Variants in PRKAR1B observed in about 807,000 individuals in gnomAD.
PRKAR1B encodes the protein protein kinase cAMP-dependent type I regulatory subunit beta.
In PRKAR1B, 22 loss-of-function variants were observed where a neutral mutation model predicts 46.5. That is an observed-to-expected ratio of 0.47 (90% CI 0.34 to 0.68). The LOEUF (loss-of-function observed/expected upper bound fraction) is 0.68, where lower values mean the gene tolerates loss of function less well. PRKAR1B is among the 30% of genes least tolerant of loss of function. The pLI is 0.01. For missense variants in PRKAR1B, 445 were observed against 535.6 expected, an observed-to-expected ratio of 0.83 and a Z score of 1.67; for synonymous variants, 259 against 217.7, an observed-to-expected ratio of 1.19 and a Z score of -1.67.
At position 625,123 on chromosome 7, in the gene PRKAR1B, C is replaced by T. The variant is rs533143341; in HGVS notation, c.441-17671G>A. Reference sequence around the variant, plus strand: ...TAACAGAAAGATAGATAGGAAATCCCACAATATTTGGAGATTAAATAACAT... The same window carrying T: ...TAACAGAAAGATAGATAGGAAATCCTACAATATTTGGAGATTAAATAACAT... On this transcript the variant is annotated intron_variant, in intron 4 of 10. Coordinates refer to ENST00000537384, the MANE Select transcript of PRKAR1B (RefSeq NM_001164760.2). Among the ~76,000 whole-genome samples the T allele has an allele frequency of 3.3e-5, 5 of 152,186 alleles. No homozygotes were observed. The South Asian group carries it at 1.0e-3, about 32-fold the overall frequency.
chr7:646,829 C>A (rs137868949), intron 4 of PRKAR1B, among the ~76,000 whole-genome samples: 3 of 152,178 alleles, frequency 2.0e-5, no homozygotes, highest in African/African-American at 7.2e-5. Flanking sequence ...ATTGGCCATC[C>A]GCCCGATCAT....
At chr7:720,536 T>C (rs1583461605) in intron 1 of PRKAR1B, among the ~76,000 whole-genome samples, 1 of 152,250 alleles carries the variant, frequency 6.6e-6, no homozygotes, top group Non-Finnish European at 1.5e-5. Context: ...TATACCTTAA[T>C]GACTATCTGC....
At chr7:562,981 C>T (rs898797234) in intron 9 of PRKAR1B, among the ~76,000 whole-genome samples, 1 of 152,228 alleles carries the variant, frequency 6.6e-6, no homozygotes, top group African/African-American at 2.4e-5. Flanking sequence ...CAGGTACTGA[C>T]CAGGGTGCTG....
intron 4 of PRKAR1B, among the ~76,000 whole-genome samples, chr7:673,521 C>T (rs907816790): frequency 2.6e-5 from 4 of 151,730 alleles, no homozygotes; most frequent in East Asian, 3.9e-4. Flanking sequence ...TGGTGGCGGG[C>T]GCCTGTAGTC....
chr7:691,741 G>A, intron 2 of PRKAR1B: 2 of 1,233,796 alleles, frequency 1.6e-6, no homozygotes, highest in Non-Finnish European at 2.1e-6. Context: ...GGAATCCAGG[G>A]TGCTGAGGGG....
chr7:581,720 A>AT lies in PRKAR1B; in HGVS notation c.770-2344dup, dbSNP rs1030267668. ...ACAGGGAGATGGCACTTTTGGCCCC[A>AT]TTTTTTTTTTCAAGAGACAGGGTCT... On this transcript the variant is annotated intron_variant, in intron 8 of 10. Transcript: ENST00000537384. 1.3e-3 allele frequency among the ~76,000 whole-genome samples: 196 copies of AT among 149,200 alleles called. 1 individual carries two copies. The highest frequency in any genetic ancestry group is 4.3e-3 in the African/African-American group (175 of 40,698).
chr7:582,947 C>G (rs1467271332), intron 8 of PRKAR1B, among the ~76,000 whole-genome samples: 4 of 152,204 alleles, frequency 2.6e-5, no homozygotes, highest in African/African-American at 9.7e-5. Flanking sequence ...TTCAAAATGG[C>G]ACTAGAATTA....
intron 9 of PRKAR1B, among the ~76,000 whole-genome samples, chr7:571,627 A>G (rs1779518380): frequency 6.6e-6 from 1 of 152,130 alleles, no homozygotes; most frequent in South Asian, 2.1e-4. Flanking sequence ...GAAGCTGGGG[A>G]ATTTCGGTCT....
chr7:588,566 G>A (rs1214310157), intron 7 of PRKAR1B, among the ~76,000 whole-genome samples: 5 of 103,994 alleles, frequency 4.8e-5, no homozygotes, highest in African/African-American at 1.3e-4. Flanking sequence ...TGGTGGTGAT[G>A]TTGGTGAGGA....
chr7:696,745 A>C (rs1054749978), intron 2 of PRKAR1B: 1 of 152,218 alleles, frequency 6.6e-6, no homozygotes, highest in Non-Finnish European at 1.5e-5. Flanking sequence ...TGGCTGAAAG[A>C]GCTTTGCCTG....
chr7:617,472 C>T (rs890360065), intron 4 of PRKAR1B, among the ~76,000 whole-genome samples: 4 of 152,050 alleles, frequency 2.6e-5, no homozygotes, highest in Admixed American at 2.6e-4. Context: ...CCCCAACTAA[C>T]GAAGTGCCAT....
intron 4 of PRKAR1B, among the ~76,000 whole-genome samples, chr7:637,040 C>T (rs1034000868): frequency 2.6e-5 from 4 of 152,328 alleles, no homozygotes; most frequent in African/African-American, 7.2e-5. Flanking sequence ...AATCCCAGCA[C>T]TTTGGGAGGC....
chr7:550,371 A>G lies in PRKAR1B; in HGVS notation c.*59T>C. 1.3e-6 allele frequency: 2 copies of G among 1,510,158 alleles called. No individual in the cohort carries two copies. Among genetic ancestry groups the G allele is most frequent in the Non-Finnish European group, 1.8e-6 (2 of 1,111,468 alleles). 93.5% of individuals were successfully genotyped at this position (1,510,158 alleles called of 1,614,324 possible). A position where few individuals can be genotyped will look rare whatever the true frequency, so the allele number is the denominator to read the frequency against. ...ACAGCGGCTCCCGGGCCCCCGACAC[A>G]GACGAGCAGGGCACGGCCACCACAC... On this transcript the variant is annotated 3_prime_UTR_variant, in exon 11 of 11. Transcript: ENST00000537384.
At chr7:614,086 A>T (rs1782672280) in intron 4 of PRKAR1B, among the ~76,000 whole-genome samples, 1 of 152,186 alleles carries the variant, frequency 6.6e-6, no homozygotes, top group Admixed American at 6.5e-5. Flanking sequence ...CCAGGCCCAG[A>T]TGACAGACGC....
At chr7:607,120 C>T (rs1782133792) in intron 5 of PRKAR1B, among the ~76,000 whole-genome samples, 1 of 152,160 alleles carries the variant, frequency 6.6e-6, no homozygotes, top group African/African-American at 2.4e-5. Context: ...TCTCCTGCCT[C>T]AGCCTCTGGA....
chr7:688,884 T>C (rs1779253494), intron 2 of PRKAR1B, among the ~76,000 whole-genome samples: 1 of 152,224 alleles, frequency 6.6e-6, no homozygotes, highest in Non-Finnish European at 1.5e-5. Context: ...TCTCTGGTGC[T>C]TAAAACAGCG....
intron 4 of PRKAR1B, among the ~76,000 whole-genome samples, chr7:634,146 C>T (rs1474745084): frequency 6.6e-6 from 1 of 152,148 alleles, no homozygotes; most frequent in Non-Finnish European, 1.5e-5. Context: ...CCTCAGCCTC[C>T]CCAGTAGCTA....
intron 4 of PRKAR1B, among the ~76,000 whole-genome samples, chr7:628,578 C>T (rs377116709): frequency 6.6e-6 from 1 of 152,196 alleles, no homozygotes; most frequent in Non-Finnish European, 1.5e-5. Context: ...TGGGACCAGT[C>T]GCTCGCTCAG....
intron 4 of PRKAR1B, among the ~76,000 whole-genome samples, chr7:614,248 T>C (rs2128470044): frequency 6.6e-6 from 1 of 152,338 alleles, no homozygotes; most frequent in South Asian, 2.1e-4. Flanking sequence ...CTCAGCAGCA[T>C]ATACGACAGG....
Sources: gnomAD v4.1 joint callset for allele counts (sites outside exome capture counted in the v4.1 genomes callset) on GRCh38, gnomAD v4.1.1 for gene constraint, MANE v1.5 for transcripts, NCBI Gene and HGNC (gene_info 2026-07-23, HGNC 2026-07-21) for gene names.